GLIS3: variants seen among roughly 807,000 people sequenced by gnomAD.
The protein encoded by GLIS3 is zinc finger protein GLIS3.
Under a neutral mutation model 78.6 loss-of-function variants are expected in GLIS3, and 53 were observed. That is an observed-to-expected ratio of 0.67 (90% CI 0.54 to 0.85). GLIS3 has a LOEUF of 0.85. Among genes scored for constraint, GLIS3 ranks in the 40% least tolerant of loss-of-function variants. The probability of loss-of-function intolerance (pLI) is 0.00; values close to 1 mark genes in which losing one functional copy is unlikely to be tolerated. For missense variants in GLIS3, 1,703 were observed against 1,231.1 expected (o/e 1.38, Z -5.74); for synonymous variants, 684 against 509.9 (o/e 1.34, Z -4.60).
At chr9:4,251,994 C>T (rs1321425770) in intron 2 of GLIS3, among the ~76,000 whole-genome samples, 1 of 152,160 alleles carries the variant, frequency 6.6e-6, no homozygotes, top group Non-Finnish European at 1.5e-5. Flanking sequence ...TGATGGGCTT[C>T]CCTTTGTGGG....
chr9:4,103,733 A>C (rs1053589500), intron 4 of GLIS3, among the ~76,000 whole-genome samples: 2 of 152,178 alleles, frequency 1.3e-5, no homozygotes, highest in Non-Finnish European at 2.9e-5. Context: ...AGAGCATAAG[A>C]CCATGAGGGT....
At chr9:4,355,968 C>A in the GLIS3 span, among the ~76,000 whole-genome samples, 103 of 152,306 alleles carry the variant, frequency 6.8e-4, no homozygotes, top group Admixed American at 1.8e-3. Context: ...AATGTATCAA[C>A]TGGGCACTTC....
chr9:4,455,372 G>A, the GLIS3 span, among the ~76,000 whole-genome samples: 1 of 152,130 alleles, frequency 6.6e-6, no homozygotes, highest in Non-Finnish European at 1.5e-5. Context: ...ATTATTAATA[G>A]AGTTTATGTG....
At chr9:4,134,379 A>G (rs576595571) in intron 2 of GLIS3, among the ~76,000 whole-genome samples, 7 of 152,324 alleles carry the variant, frequency 4.6e-5, no homozygotes, top group African/African-American at 1.4e-4. Flanking sequence ...TCAAAAGCAA[A>G]TAAGTCCCAG....
At chr9:4,347,916 C>G (rs1817915736) in intron 1 of GLIS3, among the ~76,000 whole-genome samples, 1 of 152,170 alleles carries the variant, frequency 6.6e-6, no homozygotes, top group Admixed American at 6.5e-5. Context: ...GTTTTAGCCA[C>G]ACATTTAGGA....
At chr9:4,267,706 A>G (rs531538015) in intron 2 of GLIS3, among the ~76,000 whole-genome samples, 6 of 152,186 alleles carry the variant, frequency 3.9e-5, no homozygotes, top group Admixed American at 1.3e-4. Flanking sequence ...TAAAACAACG[A>G]TAAGAAGAAA....
intron 2 of GLIS3, among the ~76,000 whole-genome samples, chr9:4,139,300 G>A (rs1398459308): frequency 6.6e-6 from 1 of 152,216 alleles, no homozygotes; most frequent in Non-Finnish European, 1.5e-5. Flanking sequence ...GTATCCCCCA[G>A]ACAGCAAGTG....
chr9:4,349,951 AG>A (rs1377450387), upstream of GLIS3, among the ~76,000 whole-genome samples: 1 of 152,230 alleles, frequency 6.6e-6, no homozygotes. Flanking sequence ...TCTGCTGCAG[AG>A]GCTGTGGGTG....
intron 9 of GLIS3, among the ~76,000 whole-genome samples, chr9:3,846,033 G>A (rs972191681): frequency 2.0e-5 from 3 of 152,188 alleles, no homozygotes; most frequent in African/African-American, 7.2e-5. Flanking sequence ...GCAAGGGCAT[G>A]ACAGGCATTC....
At chr9:3,954,972 A>G (rs1031655032) in intron 4 of GLIS3, among the ~76,000 whole-genome samples, 11 of 152,222 alleles carry the variant, frequency 7.2e-5, no homozygotes, top group African/African-American at 2.7e-4. Context: ...AAAAATAAAT[A>G]AATAAAAGAG....
At chr9:3,942,075 C>T (rs897888966) in intron 4 of GLIS3, among the ~76,000 whole-genome samples, 7 of 152,130 alleles carry the variant, frequency 4.6e-5, no homozygotes, top group African/African-American at 1.7e-4. Flanking sequence ...TAGAATATTA[C>T]TCCCTCCCCT....
chr9:4,216,499 A>AAAAGT (rs1164421628), intron 2 of GLIS3, among the ~76,000 whole-genome samples: 1 of 150,936 alleles, frequency 6.6e-6, no homozygotes, highest in African/African-American at 2.4e-5. Context: ...AAAAGAAAAG[A>AAAAGT]AAAGAAAAGA....
At chr9:4,021,216 G>C (rs555401517) in intron 4 of GLIS3, among the ~76,000 whole-genome samples, 18 of 152,244 alleles carry the variant, frequency 1.2e-4, no homozygotes, top group Non-Finnish European at 1.5e-4. Context: ...CTACATTAGA[G>C]ATAAAAACCA....
the GLIS3 span, among the ~76,000 whole-genome samples, chr9:4,353,993 A>ATTTTTTTTTTTT: frequency 7.4e-5 from 10 of 135,752 alleles, no homozygotes; most frequent in African/African-American, 8.2e-5. Flanking sequence ...ACACCCGGCT[A>ATTTTTTTTTTTT]TTTTTTTTTT....
At chr9:4,160,293 C>A (rs1251356485) in intron 2 of GLIS3, among the ~76,000 whole-genome samples, 1 of 152,226 alleles carries the variant, frequency 6.6e-6, no homozygotes, top group Non-Finnish European at 1.5e-5. Context: ...CACGCTGGCA[C>A]TGACAGGCTT....
At chr9:4,059,561 C>A (rs534076348) in intron 4 of GLIS3, among the ~76,000 whole-genome samples, 2 of 152,196 alleles carry the variant, frequency 1.3e-5, no homozygotes, top group Admixed American at 1.3e-4. Flanking sequence ...TTCTGCCTAC[C>A]ATCCTTCTGC....
chr9:4,118,250 G>A lies in GLIS3; in HGVS notation c.1228C>T (p.His410Tyr), dbSNP rs1378813205. Residue 410 changes from histidine (H) to tyrosine (Y), a missense_variant, in exon 4 of 11, where the codon CAC (histidine) becomes TAC (tyrosine). His to Tyr is a moderately conservative substitution (Grantham distance 83, BLOSUM62 2). Coordinates refer to ENST00000381971, the MANE Select transcript of GLIS3 (RefSeq NM_001042413.2). The surrounding 1 kb of genome is among the most constrained non-coding windows in gnomAD (Gnocchi z 4.7). ...HGGLQPGLVN[H>Y]MVVQHGLPGP... The stretch of plus-strand genomic sequence containing the variant: ...GGCAGGCCATGCTGCACCACCATGT[G>A]GTTGACCAGGCCTGGCTGCAGGCCG... The A allele has an allele frequency of 1.9e-6, 3 of 1,590,808 alleles. No homozygotes were observed. Among genetic ancestry groups the A allele is most frequent in the Non-Finnish European group, 2.6e-6 (3 of 1,169,096 alleles).
chr9:3,883,563 C>G (rs1821877623), intron 7 of GLIS3, among the ~76,000 whole-genome samples: 1 of 152,188 alleles, frequency 6.6e-6, no homozygotes, highest in Admixed American at 6.5e-5. Context: ...GAATAGGGCA[C>G]ACAATTGTGG....
chr9:4,015,641 A>T (rs111798297), intron 4 of GLIS3, among the ~76,000 whole-genome samples: 34 of 152,102 alleles, frequency 2.2e-4, no homozygotes, highest in African/African-American at 7.5e-4. Context: ...TAATCCCAGC[A>T]CTTTGGGAGG....
Sources: gnomAD v4.1 joint callset for allele counts (sites outside exome capture counted in the v4.1 genomes callset) on GRCh38, gnomAD v4.1.1 for gene constraint, Gnocchi (gnomAD v3.1) non-coding constraint, MANE v1.5 for transcripts, NCBI Gene and HGNC (gene_info 2026-07-23, HGNC 2026-07-21) for gene names.